The following GUCY1A2 variants were observed in gnomAD, a reference collection of about 807,000 sequenced individuals.
The protein encoded by GUCY1A2 is guanylate cyclase 1 soluble subunit alpha 2, also known as guanylate cyclase soluble subunit alpha-2.
In GUCY1A2, 27 loss-of-function variants were observed where a neutral mutation model predicts 63.5. That is an observed-to-expected ratio of 0.43 (90% confidence interval 0.31 to 0.59). The LOEUF (loss-of-function observed/expected upper bound fraction) is 0.59, where lower values mean the gene tolerates loss of function less well. Ranked by LOEUF, GUCY1A2 falls within the 20% of genes least tolerant of loss-of-function variation. The pLI is 0.11. For missense variants in GUCY1A2, 768 were observed against 913.3 expected, an observed-to-expected ratio of 0.84 and a Z score of 2.05; for synonymous variants, 364 against 343.5, an observed-to-expected ratio of 1.06 and a Z score of -0.66.
chr11:106,766,995 C>G (rs1220920316), intron 6 of GUCY1A2, among the ~76,000 whole-genome samples: 1 of 152,024 alleles, frequency 6.6e-6, no homozygotes, highest in Non-Finnish European at 1.5e-5. Flanking sequence ...CACGAGCTTC[C>G]TAACTGCTTG....
At chr11:106,978,916 A>G (rs1468549096) in intron 2 of GUCY1A2, among the ~76,000 whole-genome samples, 176 bp from the exon 3 acceptor site, 1 of 152,202 alleles carries the variant, frequency 6.6e-6, no homozygotes, top group African/African-American at 2.4e-5. Context: ...CAGCATTTGC[A>G]GTGTAGACCT....
intron 4 of GUCY1A2, among the ~76,000 whole-genome samples, chr11:106,906,952 G>T (rs1860216972): frequency 6.6e-6 from 1 of 152,120 alleles, no homozygotes; most frequent in Non-Finnish European, 1.5e-5. Context: ...GGGGACTAGG[G>T]GAGGGATAGC....
rs112234840 is a variant in GUCY1A2 at position 106,875,834 on chromosome 11, CT to C, written c.1206+63625del. On this transcript the variant is annotated intron_variant, in intron 4 of 7. Coordinates refer to ENST00000526355, the MANE Select transcript of GUCY1A2 (RefSeq NM_000855.3). Reference sequence around the variant, plus strand: ...TTTTATATCTTTTTTTATATCTATGCTTTTTTTATCTATTATGCATGCAGTC... The same window carrying C: ...TTTTATATCTTTTTTTATATCTATGCTTTTTTATCTATTATGCATGCAGTC... Among the ~76,000 whole-genome samples the C allele has an allele frequency of 1.3e-3, 197 of 152,010 alleles. 1 individual carries two copies. The highest frequency in any genetic ancestry group is 4.3e-3 in the African/African-American group (178 of 41,470).
intron 3 of GUCY1A2, among the ~76,000 whole-genome samples, chr11:106,955,417 CTG>C (rs1380694482): frequency 6.6e-6 from 1 of 152,096 alleles, no homozygotes; most frequent in Non-Finnish European, 1.5e-5. Context: ...TTATATTTTG[CTG>C]TGTTTTTGCA....
chr11:106,843,040 CTATT>C (rs1859222063), intron 4 of GUCY1A2, among the ~76,000 whole-genome samples: 2 of 151,896 alleles, frequency 1.3e-5, no homozygotes, highest in East Asian at 1.9e-4. Flanking sequence ...GAAAAAGGTT[CTATT>C]TATTTATTTT....
At chr11:106,702,388 G>A (rs911583100) in intron 7 of GUCY1A2, among the ~76,000 whole-genome samples, 2 of 152,140 alleles carry the variant, frequency 1.3e-5, no homozygotes, top group African/African-American at 4.8e-5. Flanking sequence ...GAGGTCTAAA[G>A]AGAAATTAAA....
chr11:106,789,718 G>T (rs1252632859), intron 5 of GUCY1A2, among the ~76,000 whole-genome samples: 1 of 152,166 alleles, frequency 6.6e-6, no homozygotes, highest in African/African-American at 2.4e-5. Flanking sequence ...TGCACTGGGG[G>T]CACCCAAGCC....
chr11:106,808,542 T>G (rs761993954), intron 5 of GUCY1A2, among the ~76,000 whole-genome samples: 1 of 152,164 alleles, frequency 6.6e-6, no homozygotes, highest in Non-Finnish European at 1.5e-5. Flanking sequence ...CTGATACTTA[T>G]GTTTGTCAGG....
At chr11:107,006,238 G>T (rs972897029) in intron 1 of GUCY1A2, among the ~76,000 whole-genome samples, 3 of 152,164 alleles carry the variant, frequency 2.0e-5, no homozygotes, top group Non-Finnish European at 4.4e-5. Context: ...AAGAAGTGAA[G>T]CAGAACAAGG....
chr11:106,986,694 A>C (rs1861406212), intron 1 of GUCY1A2, among the ~76,000 whole-genome samples: 1 of 152,172 alleles, frequency 6.6e-6, no homozygotes. Flanking sequence ...GAGACTAACA[A>C]AAAGGCAGAG....
At chr11:106,995,055 T>C (rs1381059265) in intron 1 of GUCY1A2, among the ~76,000 whole-genome samples, 3 of 152,044 alleles carry the variant, frequency 2.0e-5, no homozygotes, top group African/African-American at 7.2e-5. Context: ...CTCAGGAAAA[T>C]GGATCATGGT....
chr11:107,010,931 T>C (rs964757941), intron 1 of GUCY1A2, among the ~76,000 whole-genome samples: 25 of 152,058 alleles, frequency 1.6e-4, no homozygotes, highest in Admixed American at 1.5e-3. Context: ...GGTTTCACCA[T>C]GTTGGCCAGG....
chr11:106,686,820 C>T lies in GUCY1A2; in HGVS notation c.*729G>A. The stretch of plus-strand genomic sequence containing the variant: ...AAATCTAAAAGATATATTTACTAAG[C>T]AGACATATAATGCTTTCTTGGTATC... On this transcript the variant is annotated 3_prime_UTR_variant, in exon 8 of 8. Coordinates refer to ENST00000526355, the MANE Select transcript of GUCY1A2 (RefSeq NM_000855.3). The T allele has an allele frequency of 5.1e-6, 1 of 197,058 alleles. No homozygotes were observed. The highest frequency in any genetic ancestry group is 1.1e-5 in the Non-Finnish European group (1 of 95,030). 12.2% of individuals were successfully genotyped at this position (197,058 alleles called of 1,614,324 possible).
At chr11:106,819,025 G>A (rs1376718630) in intron 4 of GUCY1A2, among the ~76,000 whole-genome samples, 2 of 152,072 alleles carry the variant, frequency 1.3e-5, no homozygotes, top group African/African-American at 4.8e-5. Context: ...TTCAACCCTC[G>A]GTGATGACTT....
chr11:106,793,363 A>C (rs1185729206), intron 5 of GUCY1A2, among the ~76,000 whole-genome samples: 1 of 152,192 alleles, frequency 6.6e-6, no homozygotes, highest in Non-Finnish European at 1.5e-5. Context: ...AATGGAATAA[A>C]GACACAAATG....
chr11:106,988,808 G>A (rs549311662), intron 1 of GUCY1A2, among the ~76,000 whole-genome samples: 2 of 152,220 alleles, frequency 1.3e-5, no homozygotes, highest in South Asian at 2.1e-4. Flanking sequence ...TGGCCCCTCC[G>A]AATATCTTAT....
intron 6 of GUCY1A2, among the ~76,000 whole-genome samples, chr11:106,729,203 G>T (rs1445220449): frequency 6.6e-6 from 1 of 152,166 alleles, no homozygotes; most frequent in East Asian, 1.9e-4. Context: ...AACCTGGGAA[G>T]GAATTAGGTG....
intron 4 of GUCY1A2, among the ~76,000 whole-genome samples, chr11:106,931,542 T>C (rs1392514030): frequency 6.6e-6 from 1 of 151,606 alleles, no homozygotes; most frequent in Non-Finnish European, 1.5e-5. Flanking sequence ...TGTATGTGAA[T>C]GTTCATTGCA....
At chr11:106,884,037 C>G (rs1448465990) in intron 4 of GUCY1A2, among the ~76,000 whole-genome samples, 3 of 151,872 alleles carry the variant, frequency 2.0e-5, no homozygotes, top group Non-Finnish European at 4.4e-5. Flanking sequence ...CAGGGCCTGT[C>G]ATGGGGAAGG....
Sources: allele counts gnomAD v4.1 joint callset (sites outside exome capture counted in the v4.1 genomes callset), GRCh38; gene constraint gnomAD v4.1.1; transcripts MANE v1.5; gene names NCBI Gene and HGNC (gene_info 2026-07-23, HGNC 2026-07-21).